ZC3H12B: variants seen among roughly 807,000 people sequenced by gnomAD.
The protein encoded by ZC3H12B is zinc finger CCCH-type containing 12B, also known as probable ribonuclease ZC3H12B.
In ZC3H12B, 7 loss-of-function variants were observed where a neutral mutation model predicts 43.9. The observed-to-expected ratio is 0.16, with a 90% CI of 0.09 to 0.30. ZC3H12B has a LOEUF of 0.30. ZC3H12B is among the 10% of genes least tolerant of loss of function. ZC3H12B has a pLI of 1.00. For synonymous variants in ZC3H12B, 222 were observed against 241.7 expected (o/e 0.92, Z 0.76); for missense variants, 475 against 670.2 (o/e 0.71, Z 3.22).
the ZC3H12B span, among the ~76,000 whole-genome samples, chrX:65,342,641 G>A: frequency 0.011 from 1,230 of 110,784 alleles, 7 homozygotes; most frequent in South Asian, 0.026. Flanking sequence ...GGAATCTCTG[G>A]GACAAAGCTA....
chrX:65,473,222 G>A (rs1035940038), intron 3 of ZC3H12B, among the ~76,000 whole-genome samples: 1 of 108,058 alleles, frequency 9.3e-6, no homozygotes, highest in Admixed American at 1.0e-4. Flanking sequence ...CACCATGTTG[G>A]CCAGGCTGGT....
At chrX:65,066,499 TC>T in the ZC3H12B span, among the ~76,000 whole-genome samples, 1 of 111,683 alleles carries the variant, frequency 9.0e-6, no homozygotes. Flanking sequence ...TGCTTCCTAT[TC>T]TTTCCTCTGG....
the ZC3H12B span, among the ~76,000 whole-genome samples, chrX:65,156,200 T>G: frequency 9.0e-6 from 1 of 110,961 alleles, no homozygotes; most frequent in Non-Finnish European, 1.9e-5. Flanking sequence ...CTCTTTTTAT[T>G]TTTTCTTTTA....
At chrX:65,503,514 G>A in exon 5 of ZC3H12B, 1 of 184,340 alleles carries the variant, frequency 5.4e-6, no homozygotes, top group Non-Finnish European at 1.0e-5. Flanking sequence ...CACCATGCAG[G>A]TAATGGAGGA....
the ZC3H12B span, among the ~76,000 whole-genome samples, chrX:65,199,045 G>T: frequency 1.8e-5 from 2 of 109,654 alleles, no homozygotes; most frequent in Non-Finnish European, 3.8e-5. Flanking sequence ...GACCAGGCTG[G>T]TCTCAAACTT....
the ZC3H12B span, among the ~76,000 whole-genome samples, chrX:65,085,940 A>C: frequency 1.3e-3 from 146 of 111,207 alleles, no homozygotes; most frequent in African/African-American, 4.4e-3. Flanking sequence ...CTCCTACATG[A>C]TCACAGAGCA....
chrX:65,122,181 A>G, the ZC3H12B span, among the ~76,000 whole-genome samples: 18 of 111,229 alleles, frequency 1.6e-4, no homozygotes, highest in Non-Finnish European at 3.2e-4. Context: ...TGCAGAGCTG[A>G]GTTCAATTCA....
chrX:65,376,012 C>T (rs2066341262), intron 2 of ZC3H12B, among the ~76,000 whole-genome samples: 1 of 112,217 alleles, frequency 8.9e-6, no homozygotes, highest in East Asian at 2.8e-4. Context: ...GATTCCAGAC[C>T]ATGGCTCTTA....
At chrX:65,203,043 T>C in the ZC3H12B span, among the ~76,000 whole-genome samples, 1 of 111,652 alleles carries the variant, frequency 9.0e-6, no homozygotes, top group South Asian at 3.7e-4. Flanking sequence ...TGACAAGTTC[T>C]GTCTGGCTAC....
chrX:65,479,620 G>A (rs759517074), intron 3 of ZC3H12B, among the ~76,000 whole-genome samples: 5 of 111,322 alleles, frequency 4.5e-5, no homozygotes, highest in East Asian at 5.6e-4. Flanking sequence ...TGCCCGCCTC[G>A]GCCTCCCAAT....
chrX:65,152,091 A>G, the ZC3H12B span, among the ~76,000 whole-genome samples: 3 of 111,708 alleles, frequency 2.7e-5, no homozygotes, highest in Non-Finnish European at 5.6e-5. Flanking sequence ...TGCAAATAAT[A>G]AGAGCTATCT....
the ZC3H12B span, among the ~76,000 whole-genome samples, chrX:65,286,731 A>T: frequency 9.1e-6 from 1 of 110,312 alleles, no homozygotes; most frequent in South Asian, 3.8e-4. Context: ...AGGTGTATAT[A>T]TGTATAAAAT....
the ZC3H12B span, among the ~76,000 whole-genome samples, chrX:65,067,022 G>C: frequency 9.0e-6 from 1 of 111,529 alleles, no homozygotes; most frequent in African/African-American, 3.3e-5. Context: ...GTCGACTTCA[G>C]ACTGCTATGC....
At chrX:65,166,104 G>A in the ZC3H12B span, among the ~76,000 whole-genome samples, 2 of 110,814 alleles carry the variant, frequency 1.8e-5, no homozygotes, top group Admixed American at 9.7e-5. Context: ...GCGCAGGTTT[G>A]TTACATAGTT....
chrX:65,228,367 A>G, the ZC3H12B span, among the ~76,000 whole-genome samples: 2 of 111,961 alleles, frequency 1.8e-5, no homozygotes, highest in African/African-American at 6.5e-5. Context: ...TAAATTAGGT[A>G]TTGATGGGAC....
At chrX:65,254,479 A>T in the ZC3H12B span, among the ~76,000 whole-genome samples, 1 of 112,502 alleles carries the variant, frequency 8.9e-6, no homozygotes, top group African/African-American at 3.2e-5. Flanking sequence ...CCAGAAACCA[A>T]GCCAGTCGAC....
the ZC3H12B span, among the ~76,000 whole-genome samples, chrX:65,084,824 T>G: frequency 4.4e-5 from 5 of 112,687 alleles, no homozygotes; most frequent in Admixed American, 1.9e-4. Flanking sequence ...TCTTGCAGCA[T>G]TTTGCACAAT....
chrX:65,229,633 C>G, the ZC3H12B span, among the ~76,000 whole-genome samples: 6 of 105,587 alleles, frequency 5.7e-5, no homozygotes, highest in South Asian at 2.7e-3. Flanking sequence ...GCAACCTACT[C>G]ATCTGACAAA....
At chrX:65,386,092 T>C (rs1210034561) in intron 2 of ZC3H12B, among the ~76,000 whole-genome samples, 1 of 112,122 alleles carries the variant, frequency 8.9e-6, no homozygotes, top group Non-Finnish European at 1.9e-5. Flanking sequence ...TCAGGGGTAT[T>C]GGTCTAAAAT....
Sources: allele counts gnomAD v4.1 joint callset (sites outside exome capture counted in the v4.1 genomes callset), GRCh38; gene constraint gnomAD v4.1.1; transcripts MANE v1.5; gene names NCBI Gene and HGNC (gene_info 2026-07-23, HGNC 2026-07-21).